IGF2BP2: variants seen among roughly 807,000 people sequenced by gnomAD.
IGF2BP2 encodes the protein insulin-like growth factor 2 mRNA-binding protein 2.
In IGF2BP2, 17 loss-of-function variants were observed where a neutral mutation model predicts 75.8. The observed-to-expected ratio is 0.22, with a 90% confidence interval of 0.15 to 0.34. IGF2BP2 has a LOEUF of 0.34. Ranked by LOEUF, IGF2BP2 falls within the 10% of genes least tolerant of loss-of-function variation. The pLI, the probability that IGF2BP2 is intolerant of heterozygous loss-of-function variation, is 1.00. For synonymous variants in IGF2BP2, 288 were observed against 295.6 expected (o/e 0.97, Z 0.26); for missense variants, 516 against 772.4 (o/e 0.67, Z 3.93).
chr3:185,720,262 G>T (rs956161159), intron 2 of IGF2BP2, among the ~76,000 whole-genome samples: 7 of 152,158 alleles, frequency 4.6e-5, no homozygotes, highest in Admixed American at 4.6e-4. Flanking sequence ...GCTCTTGCAG[G>T]GGGAGATAAA....
intron 7 of IGF2BP2, among the ~76,000 whole-genome samples, chr3:185,681,864 T>C (rs1380646718): frequency 2.0e-5 from 3 of 152,086 alleles, no homozygotes; most frequent in East Asian, 1.9e-4. Context: ...GACACACACA[T>C]AGAAGAATGA....
At chr3:185,783,299 A>AAGG (rs1411661168) in intron 2 of IGF2BP2, among the ~76,000 whole-genome samples, 3 of 152,174 alleles carry the variant, frequency 2.0e-5, no homozygotes, top group Non-Finnish European at 2.9e-5. Flanking sequence ...AAGGTCATGG[A>AAGG]AGGCCTAACT....
At chr3:185,697,760 G>A (rs1282324401) in intron 3 of IGF2BP2, among the ~76,000 whole-genome samples, 2 of 152,094 alleles carry the variant, frequency 1.3e-5, no homozygotes, top group Non-Finnish European at 2.9e-5. Flanking sequence ...CAAGGCAGGT[G>A]GATTGCTTGA....
chr3:185,760,215 G>C (rs1399534763), intron 2 of IGF2BP2, among the ~76,000 whole-genome samples: 1 of 152,114 alleles, frequency 6.6e-6, no homozygotes, highest in Non-Finnish European at 1.5e-5. Context: ...GCACATTTCA[G>C]TTTCTACCCA....
intron 2 of IGF2BP2, among the ~76,000 whole-genome samples, chr3:185,737,608 A>C (rs1729024939): frequency 6.6e-6 from 1 of 152,272 alleles, no homozygotes; most frequent in Non-Finnish European, 1.5e-5. Context: ...TAACTTGTTA[A>C]ATCTGATAGT....
At chr3:185,655,127 GATTTTTTTACTTTT>G (rs2149082449) in intron 12 of IGF2BP2, among the ~76,000 whole-genome samples, 1 of 152,258 alleles carries the variant, frequency 6.6e-6, no homozygotes, top group Non-Finnish European at 1.5e-5. Flanking sequence ...AAACCAGATT[GATTTTTTTACTTTT>G]ATTTTTTTGA....
chr3:185,784,231 T>C (rs1735571026), intron 2 of IGF2BP2, among the ~76,000 whole-genome samples: 1 of 151,888 alleles, frequency 6.6e-6, no homozygotes, highest in South Asian at 2.1e-4. Context: ...TGAGACTTTG[T>C]CTCTAAATAA....
intron 2 of IGF2BP2, among the ~76,000 whole-genome samples, chr3:185,702,014 A>C (rs1268463418): frequency 6.6e-6 from 1 of 152,086 alleles, no homozygotes; most frequent in African/African-American, 2.4e-5. Flanking sequence ...GCTCACACAT[A>C]ATCCCTGCTG....
At chr3:185,811,233 C>T (rs1458857868) in intron 2 of IGF2BP2, among the ~76,000 whole-genome samples, 1 of 151,936 alleles carries the variant, frequency 6.6e-6, no homozygotes, top group Admixed American at 6.6e-5. Flanking sequence ...GCAACTAAGA[C>T]CTAATTTGAT....
intron 2 of IGF2BP2, among the ~76,000 whole-genome samples, chr3:185,733,754 C>G (rs958628897): frequency 7.2e-4 from 109 of 151,550 alleles, no homozygotes; most frequent in Non-Finnish European, 7.5e-4. Flanking sequence ...GAAACTCCGC[C>G]TCAATAATAA....
rs541265749 is a variant in IGF2BP2, at chr3:185,647,046, G to A, written c.1686C>T (p.Ile562=). 7.4e-6 allele frequency: 12 copies of A among 1,613,684 alleles called. No individual in the cohort carries two copies. The South Asian group carries it at 9.9e-5, about 13-fold the overall frequency. ...DENEEVIVRI[I]GHFFASQTAQ... is the part of the protein sequence containing the mutation. ...GTACCTGGCTAGCAAAGAAGTGCCC[G>A]ATAATTCTGACGATCACTTCCTCAT... Residue 562 remains isoleucine (I), a synonymous_variant, in exon 15 of 16, where the codon ATC becomes ATT. Transcript: ENST00000382199. This position sits in a 1 kb window ranked among gnomAD's most constrained non-coding sequence, Gnocchi z 4.9.
intron 2 of IGF2BP2, among the ~76,000 whole-genome samples, chr3:185,740,337 C>A (rs974567744): frequency 2.4e-4 from 36 of 152,182 alleles, no homozygotes; most frequent in Non-Finnish European, 1.3e-4. Context: ...CTACTATGTG[C>A]CAAGCACTGT....
At chr3:185,744,264 AT>A (rs1729946394) in intron 2 of IGF2BP2, among the ~76,000 whole-genome samples, 1 of 152,216 alleles carries the variant, frequency 6.6e-6, no homozygotes, top group South Asian at 2.1e-4. Context: ...TATTCCAGTG[AT>A]AAAAAGTAAT....
At chr3:185,650,270 A>G (rs1560223942) in intron 13 of IGF2BP2, among the ~76,000 whole-genome samples, 1 of 150,510 alleles carries the variant, frequency 6.6e-6, no homozygotes, top group Non-Finnish European at 1.5e-5. Flanking sequence ...CCAAGAACCT[A>G]TCTTTCTTTT....
At chr3:185,665,440 A>G (rs147145278) in intron 10 of IGF2BP2, among the ~76,000 whole-genome samples, 2,929 of 55,442 alleles carry the variant, frequency 0.053, 212 homozygotes, top group Middle Eastern at 0.074. Flanking sequence ...GGAGGAGGAG[A>G]AGGAGGAGGA....
chr3:185,783,171 A>G (rs1735424574), intron 2 of IGF2BP2, among the ~76,000 whole-genome samples: 1 of 152,208 alleles, frequency 6.6e-6, no homozygotes, highest in South Asian at 2.1e-4. Context: ...ATACTTGCAA[A>G]CCAAGAGTGG....
chr3:185,737,093 T>C (rs1002535382), intron 2 of IGF2BP2, among the ~76,000 whole-genome samples: 1 of 152,256 alleles, frequency 6.6e-6, no homozygotes, highest in African/African-American at 2.4e-5. Flanking sequence ...ACTGCTTTGA[T>C]TGATTCTAAA....
chr3:185,766,446 A>G (rs1018465894), intron 2 of IGF2BP2, among the ~76,000 whole-genome samples: 3 of 151,986 alleles, frequency 2.0e-5, no homozygotes, highest in African/African-American at 7.3e-5. Flanking sequence ...AAATGGTTGG[A>G]AAAAAAATAA....
chr3:185,701,353 T>A, intron 2 of IGF2BP2, among the ~76,000 whole-genome samples: 1 of 136,158 alleles, frequency 7.3e-6, no homozygotes. Flanking sequence ...TAAAGTATAC[T>A]GGAACCTGCT....
Sources: gnomAD v4.1 joint callset for allele counts (sites outside exome capture counted in the v4.1 genomes callset) on GRCh38, gnomAD v4.1.1 for gene constraint, Gnocchi (gnomAD v3.1) non-coding constraint, MANE v1.5 for transcripts, NCBI Gene and HGNC (gene_info 2026-07-23, HGNC 2026-07-21) for gene names.